Variants in SIGIRR observed in about 807,000 individuals in gnomAD.
SIGIRR encodes the protein single Ig and TIR domain containing.
SIGIRR carries 41 observed loss-of-function variants against 45.6 expected under a neutral mutation model. That is an observed-to-expected ratio of 0.90 (90% confidence interval 0.70 to 1.17). The LOEUF is 1.17. Ranked by LOEUF, SIGIRR falls within the 50% of genes most tolerant of loss-of-function variation. The pLI is 0.00. For missense variants in SIGIRR, 599 were observed against 539.6 expected (o/e 1.11, Z -1.09); for synonymous variants, 298 against 239.0 (o/e 1.25, Z -2.28).
rs1847425058 is a variant in SIGIRR at position 407,946 on chromosome 11, G to GGCT, written c.349_351dup (p.Ser117dup). On this transcript the variant is annotated inframe_insertion, in exon 5 of 10. Transcript: ENST00000431843. ...AGGGAGGCCAGCACCGCAGCCACGT[G>GGCT]GCTTGTAGGGCCTGCGGATGGGTTG... 3 of 1,608,098 alleles carry GGCT rather than the reference G, an allele frequency of 1.9e-6. No homozygotes were observed. Among genetic ancestry groups the GGCT allele is most frequent in the African/African-American group, 1.3e-5 (1 of 74,970 alleles).
At chr11:412,896 C>A (rs1847736887) in intron 1 of SIGIRR, among the ~76,000 whole-genome samples, 3 of 152,214 alleles carry the variant, frequency 2.0e-5, no homozygotes, top group Non-Finnish European at 4.4e-5. Flanking sequence ...GGTCTCGGGT[C>A]CCATGTCCTT....
chr11:407,806 GC>G lies in SIGIRR; in HGVS notation c.481+10del. ...GCGACCCCTCCTCGCGCCCACGCGG[GC>G]CCCACGCACCGTTTATCTCCACCTC... On this transcript the variant is annotated intron_variant, in intron 5 of 9. Coordinates refer to ENST00000431843, the MANE Select transcript of SIGIRR (RefSeq NM_001135054.2). The G allele has an allele frequency of 1.2e-6, 2 of 1,612,298 alleles. No homozygotes were observed. Among genetic ancestry groups the G allele is most frequent in the Non-Finnish European group, 1.7e-6 (2 of 1,179,800 alleles).
intron 2 of SIGIRR, chr11:409,303 G>C (rs1239200778): frequency 2.8e-6 from 1 of 363,632 alleles, no homozygotes; most frequent in Non-Finnish European, 5.4e-6. Context: ...GCCTCTGCTG[G>C]GGAATCTGCA....
intron 6 of SIGIRR, 39 bp from the exon 7 acceptor site, chr11:407,203 C>CGGGGGA: frequency 7.4e-5 from 5 of 67,172 alleles, no homozygotes; most frequent in Non-Finnish European, 2.6e-5. Context: ...GGGGCGGGGG[C>CGGGGGA]GGGGGAGGGC....
chr11:409,723 G>A, intron 2 of SIGIRR, 145 bp downstream of exon 2: 2 of 909,612 alleles, frequency 2.2e-6, no homozygotes, highest in Non-Finnish European at 3.0e-6. Context: ...GGCCCAGTGG[G>A]AGGGGTGAGC....
Position 407,115 on chromosome 11 carries a change from G to GAC in SIGIRR, c.674_675insGT (p.Ile225MetfsTer10). On this transcript the variant is annotated frameshift_variant, in exon 7 of 10. Coordinates refer to ENST00000431843, the MANE Select transcript of SIGIRR (RefSeq NM_001135054.2). LOFTEE classifies it high-confidence loss of function. ...TCAGGAAGGCGTCCGAAAGCACCAC[G>GAC]ATGAGGCGTCGGCAGCGGCTCAGGT... is the stretch of plus-strand genomic sequence containing the variant. 2.6e-6 allele frequency: 4 copies of GAC among 1,544,494 alleles called. No homozygotes were observed. The highest frequency in any genetic ancestry group is 3.8e-5 in the Admixed American group (2 of 52,952).
rs747292963 is a variant in SIGIRR, at chr11:405,906, T to C, written c.1223A>G (p.Asp408Gly). 1 of 1,601,170 alleles carries C rather than the reference T, an allele frequency of 6.2e-7. No homozygotes were observed. Among genetic ancestry groups the C allele is most frequent in the African/African-American group, 1.3e-5 (1 of 74,772 alleles). The part of the protein sequence containing the change: ...RTDFYCLVSK[D>G]DM ...ACTCTGGGGTGGGAGCTACATATCATCCTTGGACACCAGGCAGTAGAAGTC... is the reference window on the plus strand; with the variant it reads ...ACTCTGGGGTGGGAGCTACATATCACCCTTGGACACCAGGCAGTAGAAGTC... The change falls in exon 10 of 10, where the codon GAT becomes GGT. Residue 408 changes from aspartate to glycine, a missense_variant. Coordinates refer to ENST00000431843, the MANE Select transcript of SIGIRR (RefSeq NM_001135054.2).
rs552367848 is a variant in SIGIRR, at chr11:405,774, TTCCCAGGGCTGCTGGCAGGG to T, written c.*102_*121del. ...GGAGGCGCCCTGAGGCCACAGCCTT[TTCCCAGGGCTGCTGGCAGGG>T]TCCCAGGGCTGCTGGCAGGGGTTGT... On this transcript the variant is annotated 3_prime_UTR_variant, in exon 10 of 10. Coordinates refer to ENST00000431843, the MANE Select transcript of SIGIRR (RefSeq NM_001135054.2). 79 of 1,272,956 alleles carry T rather than the reference TTCCCAGGGCTGCTGGCAGGG, an allele frequency of 6.2e-5. No individual in the cohort carries two copies. Among genetic ancestry groups the T allele is most frequent in the South Asian group, 2.2e-4 (14 of 63,994 alleles). The allele number at this position is 1,272,956 out of a possible 1,614,324, so 78.9% of individuals were successfully genotyped here.
chr11:407,812 C>CG lies in SIGIRR; in HGVS notation c.481+4dup. The CG allele has an allele frequency of 2.5e-6, 4 of 1,612,492 alleles. No individual in the cohort carries two copies. The highest frequency in any genetic ancestry group is 3.4e-6 in the Non-Finnish European group (4 of 1,179,822). ...CCTCCTCGCGCCCACGCGGGCCCCACGCACCGTTTATCTCCACCTCCCCAT... is the reference window on the plus strand; with the variant it reads ...CCTCCTCGCGCCCACGCGGGCCCCACGGCACCGTTTATCTCCACCTCCCCAT... On this transcript the variant is annotated splice_donor_region_variant and intron_variant, in intron 5 of 9. Transcript: ENST00000431843.
In SIGIRR at chr11:407,834, C is replaced by T. The variant is rs578216747; in HGVS notation, c.464G>A (p.Gly155Glu). 1 of 1,612,596 alleles carries T rather than the reference C, an allele frequency of 6.2e-7. No individual in the cohort carries two copies. Among genetic ancestry groups the T allele is most frequent in the Admixed American group, 1.7e-5 (1 of 60,018 alleles). The change falls in exon 5 of 10, where the codon GGG (glycine) becomes GAG (glutamate). Residue 155 changes from glycine to glutamate, a missense_variant. Gly to Glu is a moderately conservative substitution (Grantham distance 98, BLOSUM62 -2). Transcript: ENST00000431843. Reference protein sequence around the residue: ...NVLLWYQDAYGEVEINDGKLY... With the variant: ...NVLLWYQDAYEEVEINDGKLY... ...CCACGCACCGTTTATCTCCACCTCC[C>T]CATACGCGTCCTGGTACCAGAGCAG...
At chr11:415,135 C>G (rs970838747), upstream of SIGIRR, 4 of 152,596 alleles carry the variant, frequency 2.6e-5, no homozygotes, top group African/African-American at 9.7e-5. The surrounding 1 kb of genome is among the most constrained non-coding windows in gnomAD (Gnocchi z 6.6). Flanking sequence ...CTTCCTGTAG[C>G]TCTGAGTCAA....
At chr11:414,611 T>C (rs1247438804) in intron 1 of SIGIRR, among the ~76,000 whole-genome samples, 1 of 152,226 alleles carries the variant, frequency 6.6e-6, no homozygotes, top group Non-Finnish European at 1.5e-5. Flanking sequence ...ATTGCAACGC[T>C]TGTCACAGAG....
intron 1 of SIGIRR, among the ~76,000 whole-genome samples, chr11:412,861 GT>G (rs1239164607): frequency 6.6e-6 from 1 of 152,152 alleles, no homozygotes; most frequent in Admixed American, 6.5e-5. Flanking sequence ...AGGCCGGAGG[GT>G]GAACAGCGCC....
Position 407,059 on chromosome 11 carries a change from C to G in SIGIRR, c.728+3G>C. 1 of 1,577,660 alleles carries G rather than the reference C, an allele frequency of 6.3e-7. No homozygotes were observed. The highest frequency in any genetic ancestry group is 1.2e-5 in the South Asian group (1 of 86,826). On this transcript the variant is annotated splice_donor_region_variant and intron_variant, in intron 7 of 9. Transcript: ENST00000431843. ...GGCCCACCCAACCCCGCGCGGGACC[C>G]ACCGGAAGCTGTGGCTGCACCAGGC...
In SIGIRR at chr11:407,799, C is replaced by G. The variant is rs1257963925; in HGVS notation, c.481+18G>C. ...GGCCGTGGCGACCCCTCCTCGCGCC[C>G]ACGCGGGCCCCACGCACCGTTTATC... On this transcript the variant is annotated intron_variant, in intron 5 of 9. Transcript: ENST00000431843. 1.2e-6 allele frequency: 2 copies of G among 1,612,036 alleles called. No homozygotes were observed. The highest frequency in any genetic ancestry group is 1.1e-5 in the South Asian group (1 of 91,058).
chr11:414,710 GCT>G (rs1847831560), intron 1 of SIGIRR, 111 bp downstream of exon 1: 1 of 712,514 alleles, frequency 1.4e-6, no homozygotes, highest in Non-Finnish European at 1.7e-6. Context: ...GCTGCCCCTC[GCT>G]CTGTCTCACA....
intron 1 of SIGIRR, among the ~76,000 whole-genome samples, chr11:412,688 G>T (rs1310570049): frequency 9.7e-6 from 1 of 103,622 alleles, no homozygotes; most frequent in Admixed American, 9.1e-5. Flanking sequence ...CAGTCGGGGG[G>T]GGGGGGTGCC....
chr11:407,078 A>G lies in SIGIRR; in HGVS notation c.712T>C (p.Cys238Arg), dbSNP rs1486752754. Residue 238 changes from cysteine (C) to arginine (R), a missense_variant, in exon 7 of 10, where the codon TGC becomes CGC. Physicochemically the swap from Cys to Arg is radical, Grantham distance 180 (BLOSUM62 -3). Transcript: ENST00000431843. ...LSDAFLSRAW[C>R]SHSFREGLCR... ...GGGACCCACCGGAAGCTGTGGCTGCACCAGGCCCGGCTCAGGAAGGCGTCC... is the reference window on the plus strand; with the variant it reads ...GGGACCCACCGGAAGCTGTGGCTGCGCCAGGCCCGGCTCAGGAAGGCGTCC... The G allele has an allele frequency of 2.6e-6, 4 of 1,556,246 alleles. No homozygotes were observed. Among genetic ancestry groups the G allele is most frequent in the Non-Finnish European group, 1.7e-6 (2 of 1,156,632 alleles).
intron 4 of SIGIRR, 40 bp downstream of exon 4, chr11:408,033 A>G: frequency 6.2e-7 from 1 of 1,611,096 alleles, no homozygotes; most frequent in Non-Finnish European, 8.5e-7. Flanking sequence ...CACTAGGTCT[A>G]GGTCCCCTTC....
Sources: allele counts gnomAD v4.1 joint callset (sites outside exome capture counted in the v4.1 genomes callset), GRCh38; gene constraint gnomAD v4.1.1; non-coding constraint Gnocchi (gnomAD v3.1); transcripts MANE v1.5; gene names NCBI Gene and HGNC (gene_info 2026-07-23, HGNC 2026-07-21).